Variants in C10orf90 observed in about 807,000 individuals in gnomAD.
C10orf90 encodes the protein (E2-independent) E3 ubiquitin-conjugating enzyme FATS.
C10orf90 carries 56 observed loss-of-function variants against 62.5 expected under a neutral mutation model. That is an observed-to-expected ratio of 0.90 (90% confidence interval 0.72 to 1.12). C10orf90 has a LOEUF of 1.12. Ranked by LOEUF, C10orf90 falls within the 50% of genes most tolerant of loss-of-function variation. The pLI, the probability that C10orf90 is intolerant of heterozygous loss-of-function variation, is 0.00. For missense variants in C10orf90, 970 were observed against 880.4 expected, an observed-to-expected ratio of 1.10 and a Z score of -1.29; for synonymous variants, 386 against 340.4, an observed-to-expected ratio of 1.13 and a Z score of -1.47.
intron 4 of C10orf90, among the ~76,000 whole-genome samples, chr10:126,497,981 G>A (rs1233630182): frequency 6.6e-6 from 1 of 152,190 alleles, no homozygotes; most frequent in Non-Finnish European, 1.5e-5. Context: ...TGTTAACAAT[G>A]AAACAAAACA....
intron 2 of C10orf90, among the ~76,000 whole-genome samples, chr10:126,645,705 T>C (rs572885908): frequency 6.6e-6 from 1 of 152,290 alleles, no homozygotes; most frequent in East Asian, 1.9e-4. Context: ...AGTGTCAGTT[T>C]TGGAAAGGAA....
intron 2 of C10orf90, among the ~76,000 whole-genome samples, chr10:126,611,897 C>G (rs1388373091): frequency 1.3e-5 from 2 of 152,218 alleles, no homozygotes; most frequent in African/African-American, 4.8e-5. Flanking sequence ...ATCCCACATG[C>G]TCTAGACCTA....
chr10:126,512,654 T>C (rs1863197828), intron 3 of C10orf90, among the ~76,000 whole-genome samples: 1 of 152,100 alleles, frequency 6.6e-6, no homozygotes, highest in African/African-American at 2.4e-5. Flanking sequence ...TCCTCCTAAC[T>C]GGCATCTCCA....
In C10orf90 at chr10:126,504,275, G is replaced by C; in HGVS notation, c.1216C>G (p.Leu406Val). The C allele has an allele frequency of 6.2e-7, 1 of 1,614,166 alleles. No homozygotes were observed. Among genetic ancestry groups the C allele is most frequent in the South Asian group, 1.1e-5 (1 of 91,080 alleles). Residue 406 changes from leucine (L) to valine (V), a missense_variant, in exon 4 of 10, where the codon CTA becomes GTA. By Grantham distance (32) the Leu-to-Val change is conservative. Transcript: ENST00000488181. This position sits in a 1 kb window ranked among gnomAD's most constrained non-coding sequence, Gnocchi z 4.1. ...HRLTADGVDG[L>V]VNREPISEAL... Reference sequence around the variant, plus strand: ...TCGCTTATTGGCTCTCTGTTCACTAGGCCATCTACTCCATCTGCTGTTAAT... The same window carrying C: ...TCGCTTATTGGCTCTCTGTTCACTACGCCATCTACTCCATCTGCTGTTAAT...
At chr10:126,652,907 A>C (rs1229159073) in intron 1 of C10orf90, among the ~76,000 whole-genome samples, 1 of 152,202 alleles carries the variant, frequency 6.6e-6, no homozygotes, top group Non-Finnish European at 1.5e-5. Context: ...TCAGTTGCAG[A>C]CCACCACAAT....
chr10:126,520,243 G>A (rs1457520616), intron 2 of C10orf90: 2 of 152,186 alleles, frequency 1.3e-5, no homozygotes, highest in African/African-American at 4.8e-5. Flanking sequence ...TCAAGCTGGT[G>A]ACCCCACCAG....
At chr10:126,460,897 A>T (rs2133720979) in intron 6 of C10orf90, among the ~76,000 whole-genome samples, 1 of 152,306 alleles carries the variant, frequency 6.6e-6, no homozygotes, top group South Asian at 2.1e-4. Context: ...GTATTTTTTT[A>T]AACTTTATAA....
chr10:126,662,872 G>C (rs562261452), intron 1 of C10orf90, among the ~76,000 whole-genome samples: 5 of 145,120 alleles, frequency 3.4e-5, no homozygotes, highest in Non-Finnish European at 7.6e-5. Flanking sequence ...GGGTGCCTCC[G>C]TGCATTCTTG....
chr10:126,560,412 C>T (rs557952829), intron 2 of C10orf90, among the ~76,000 whole-genome samples: 35 of 152,302 alleles, frequency 2.3e-4, no homozygotes, highest in African/African-American at 7.9e-4. Flanking sequence ...CCGACGCGCA[C>T]GGTGCATGGT....
chr10:126,521,164 A>C, intron 2 of C10orf90: 1 of 954,702 alleles, frequency 1.0e-6, no homozygotes, highest in Non-Finnish European at 1.6e-6. Flanking sequence ...AGGTCTTTAG[A>C]GATACCTGGT....
rs138435029 is a variant in C10orf90, at chr10:126,571,045, T to C, written c.314-57106A>G. 3.2e-3 allele frequency among the ~76,000 whole-genome samples: 484 copies of C among 152,268 alleles called. 3 individuals carry two copies. The highest frequency in any genetic ancestry group is 5.0e-3 in the Non-Finnish European group (343 of 68,022). On this transcript the variant is annotated intron_variant, in intron 2 of 9. Transcript: ENST00000488181. ...CACAGCTTTATCTACTTCCATTAAA[T>C]AGATGTGCTTGCCGCAGGAAATTGC...
At chr10:126,430,648 G>T (rs984751522) in intron 7 of C10orf90, among the ~76,000 whole-genome samples, 1 of 152,144 alleles carries the variant, frequency 6.6e-6, no homozygotes, top group African/African-American at 2.4e-5. Context: ...GTTGCATGGG[G>T]GTGTGTTTCA....
chr10:126,594,049 A>C (rs1054093894), intron 2 of C10orf90, among the ~76,000 whole-genome samples: 3 of 151,966 alleles, frequency 2.0e-5, no homozygotes, highest in Non-Finnish European at 2.9e-5. Context: ...CAGGAGTGAA[A>C]AAGGCCCATG....
At chr10:126,454,785 C>T (rs188007111) in intron 7 of C10orf90, among the ~76,000 whole-genome samples, 1 of 152,200 alleles carries the variant, frequency 6.6e-6, no homozygotes, top group African/African-American at 2.4e-5. Flanking sequence ...TTATGGCCGG[C>T]CTTTGAACAT....
chr10:126,519,538 T>C (rs922750441), intron 2 of C10orf90, among the ~76,000 whole-genome samples: 2 of 152,216 alleles, frequency 1.3e-5, no homozygotes, highest in Non-Finnish European at 2.9e-5. Flanking sequence ...TTCTTACTTC[T>C]TGGATTTTTA....
At chr10:126,490,905 T>C (rs990125261) in intron 4 of C10orf90, among the ~76,000 whole-genome samples, 1 of 152,124 alleles carries the variant, frequency 6.6e-6, no homozygotes, top group Non-Finnish European at 1.5e-5. Context: ...AAATTGTTCC[T>C]ATATAATATT....
intron 2 of C10orf90, among the ~76,000 whole-genome samples, chr10:126,642,839 A>G (rs1846093150): frequency 6.6e-6 from 1 of 152,144 alleles, no homozygotes; most frequent in African/African-American, 2.4e-5. Flanking sequence ...TCCAAACACC[A>G]CAAACTCAGG....
At position 126,669,633 on chromosome 10, in the gene C10orf90, AAT is replaced by A. The variant is rs1846705250; in HGVS notation, c.240+606_240+607del. On this transcript the variant is annotated intron_variant, in intron 1 of 9. Coordinates refer to ENST00000488181, the MANE Select transcript of C10orf90 (RefSeq NM_001350921.2). ...TGGCTGATACTAGTTGCAGAATACAAATATGTTTCAGAGTAATGTGTTTATCT... is the reference window on the plus strand; with the variant it reads ...TGGCTGATACTAGTTGCAGAATACAAATGTTTCAGAGTAATGTGTTTATCT... 2.0e-5 allele frequency among the ~76,000 whole-genome samples: 3 copies of A among 152,228 alleles called. No homozygotes were observed. The South Asian group carries it at 6.2e-4, about 32-fold the overall frequency.
intron 2 of C10orf90, among the ~76,000 whole-genome samples, chr10:126,536,662 T>C (rs940518025): frequency 6.6e-6 from 1 of 152,204 alleles, no homozygotes; most frequent in Non-Finnish European, 1.5e-5. Context: ...CTGTCTTCCA[T>C]GAACCAGTGA....
Sources: allele counts gnomAD v4.1 joint callset (sites outside exome capture counted in the v4.1 genomes callset), GRCh38; gene constraint gnomAD v4.1.1; non-coding constraint Gnocchi (gnomAD v3.1); transcripts MANE v1.5; gene names NCBI Gene and HGNC (gene_info 2026-07-23, HGNC 2026-07-21).